Variants in NTRK3 observed in about 807,000 individuals in gnomAD.
The protein encoded by NTRK3 is NT-3 growth factor receptor.
Under a neutral mutation model 91.7 loss-of-function variants are expected in NTRK3, and 24 were observed. The observed-to-expected ratio is 0.26, with a 90% CI of 0.19 to 0.37. NTRK3 has a LOEUF of 0.37. Ranked by LOEUF, NTRK3 falls within the 10% of genes least tolerant of loss-of-function variation. The probability of loss-of-function intolerance (pLI) is 1.00; values close to 1 mark genes in which losing one functional copy is unlikely to be tolerated. For synonymous variants in NTRK3, 483 were observed against 404.0 expected (o/e 1.20, Z -2.34); for missense variants, 880 against 1,068.9 (o/e 0.82, Z 2.46).
intron 13 of NTRK3, among the ~76,000 whole-genome samples, chr15:88,116,579 C>T (rs1264607538): frequency 6.6e-6 from 1 of 152,024 alleles, no homozygotes; most frequent in Admixed American, 6.5e-5. Context: ...TCCCAGGTCG[C>T]AGGCCTGAAG....
At chr15:88,030,617 A>C (rs146199652) in intron 14 of NTRK3, among the ~76,000 whole-genome samples, 167 of 152,304 alleles carry the variant, frequency 1.1e-3, no homozygotes, top group Non-Finnish European at 2.0e-3. Flanking sequence ...TTGGGAATTC[A>C]CTTACTTTCT....
At chr15:88,017,680 G>A (rs1270336675) in intron 14 of NTRK3, among the ~76,000 whole-genome samples, 1 of 152,118 alleles carries the variant, frequency 6.6e-6, no homozygotes, top group Non-Finnish European at 1.5e-5. Flanking sequence ...TGACTTTGGG[G>A]AATAGGGGGA....
At chr15:88,248,088 G>T (rs1198134231) in intron 3 of NTRK3, among the ~76,000 whole-genome samples, 2 of 152,204 alleles carry the variant, frequency 1.3e-5, no homozygotes, top group Non-Finnish European at 2.9e-5. Flanking sequence ...GCATAGTCCT[G>T]CTGACCACGG....
intron 13 of NTRK3, among the ~76,000 whole-genome samples, chr15:88,114,731 G>A (rs753935356): frequency 6.6e-6 from 1 of 152,160 alleles, no homozygotes; most frequent in Non-Finnish European, 1.5e-5. Context: ...CTAAGTAATG[G>A]TTATCCCAGT....
chr15:87,906,718 T>C (rs978961095), intron 17 of NTRK3, among the ~76,000 whole-genome samples: 1 of 152,128 alleles, frequency 6.6e-6, no homozygotes, highest in African/African-American at 2.4e-5. Flanking sequence ...GCAATGCGAT[T>C]GCTTTGACGT....
intron 10 of NTRK3, 56 bp downstream of exon 10, chr15:88,135,045 C>G (rs2041741384): frequency 6.3e-7 from 1 of 1,598,960 alleles, no homozygotes; most frequent in Admixed American, 1.7e-5. Context: ...CATGCCCCAT[C>G]TCCCAAGCTT....
At chr15:88,067,791 A>C (rs190877150) in intron 13 of NTRK3, among the ~76,000 whole-genome samples, 2 of 152,320 alleles carry the variant, frequency 1.3e-5, no homozygotes, top group East Asian at 3.9e-4. Context: ...CTATAAAATG[A>C]GAATCCTGTA....
chr15:87,867,392 G>A, exon 19 of NTRK3: 1 of 229,426 alleles, frequency 4.4e-6, no homozygotes. Flanking sequence ...AGCTTCCAAA[G>A]GAGGGTCACA....
At chr15:88,155,848 A>C (rs544624516) in intron 5 of NTRK3, among the ~76,000 whole-genome samples, 7 of 139,582 alleles carry the variant, frequency 5.0e-5, no homozygotes, top group Admixed American at 2.9e-4. Flanking sequence ...ATCTATCTAT[A>C]TAAATGAGGT....
chr15:87,971,046 C>A (rs904879994), intron 14 of NTRK3, among the ~76,000 whole-genome samples: 2 of 152,200 alleles, frequency 1.3e-5, no homozygotes, highest in African/African-American at 4.8e-5. Context: ...TACTGTGTAG[C>A]AATCTCCTGT....
chr15:87,921,792 C>G (rs1391497441), intron 17 of NTRK3, among the ~76,000 whole-genome samples: 1 of 152,066 alleles, frequency 6.6e-6, no homozygotes, highest in African/African-American at 2.4e-5. Context: ...AAACTTCTGC[C>G]TCTGCAGAGC....
intron 3 of NTRK3, among the ~76,000 whole-genome samples, chr15:88,192,975 T>C (rs2047530577): frequency 6.6e-6 from 1 of 152,336 alleles, no homozygotes; most frequent in African/African-American, 2.4e-5. Flanking sequence ...TGATTATGTG[T>C]TTGTCATCAG....
chr15:88,244,320 G>A (rs1222186047), intron 3 of NTRK3, among the ~76,000 whole-genome samples: 1 of 152,160 alleles, frequency 6.6e-6, no homozygotes, highest in East Asian at 1.9e-4. Flanking sequence ...CCATCTCATA[G>A]CAACTCTCCC....
intron 3 of NTRK3, among the ~76,000 whole-genome samples, chr15:88,246,899 G>T (rs1327682389): frequency 3.3e-5 from 5 of 152,188 alleles, no homozygotes; most frequent in African/African-American, 4.8e-5. Flanking sequence ...GAAAGCCAGG[G>T]CTGACAGTGC....
At chr15:88,166,859 G>A (rs969430604) in intron 5 of NTRK3, among the ~76,000 whole-genome samples, 1 of 152,074 alleles carries the variant, frequency 6.6e-6, no homozygotes, top group Admixed American at 6.5e-5. Context: ...GATTACTGTT[G>A]GAAGAACACC....
intron 13 of NTRK3, among the ~76,000 whole-genome samples, chr15:88,124,433 G>T (rs979946631): frequency 6.6e-6 from 1 of 152,150 alleles, no homozygotes; most frequent in Non-Finnish European, 1.5e-5. Context: ...CAATTAATAG[G>T]AAAAATCTGC....
intron 13 of NTRK3, among the ~76,000 whole-genome samples, chr15:88,100,659 C>T (rs1458911591): frequency 3.3e-5 from 5 of 152,206 alleles, no homozygotes; most frequent in African/African-American, 9.6e-5. Flanking sequence ...CACTTGAAAA[C>T]ATGACCCTCT....
intron 17 of NTRK3, among the ~76,000 whole-genome samples, chr15:87,908,813 C>A (rs1046656207): frequency 6.6e-6 from 1 of 152,026 alleles, no homozygotes; most frequent in African/African-American, 2.4e-5. Context: ...ACAAGGCACT[C>A]GGGGCTCCAC....
At chr15:87,933,818 G>A (rs2069018850) in intron 15 of NTRK3, among the ~76,000 whole-genome samples, 1 of 152,188 alleles carries the variant, frequency 6.6e-6, no homozygotes, top group Admixed American at 6.5e-5. Context: ...GCAGCTACGG[G>A]AATGGCAGTT....
Sources: allele counts gnomAD v4.1 joint callset (sites outside exome capture counted in the v4.1 genomes callset), GRCh38; gene constraint gnomAD v4.1.1; transcripts MANE v1.5; gene names NCBI Gene and HGNC (gene_info 2026-07-23, HGNC 2026-07-21).